Variants in TSPAN18 observed in about 807,000 individuals in gnomAD.
The protein encoded by TSPAN18 is tetraspanin 18.
A neutral mutation model predicts 27.3 loss-of-function variants in TSPAN18; 14 were observed. The observed-to-expected ratio is 0.51, with a 90% CI of 0.34 to 0.80. TSPAN18 has a LOEUF of 0.80. TSPAN18 is among the 30% of genes least tolerant of loss of function. The pLI is 0.01. For synonymous variants in TSPAN18, 143 were observed against 136.5 expected (o/e 1.05, Z -0.33); for missense variants, 268 against 323.9 (o/e 0.83, Z 1.32).
At chr11:44,922,836 C>T (rs955003118) in intron 8 of TSPAN18, among the ~76,000 whole-genome samples, 1 of 152,052 alleles carries the variant, frequency 6.6e-6, no homozygotes, top group African/African-American at 2.4e-5. Context: ...AGGCCAGGCA[C>T]GTTGGCTCAC....
intron 3 of TSPAN18, among the ~76,000 whole-genome samples, chr11:44,876,544 G>T (rs1462944931): frequency 6.6e-6 from 1 of 152,214 alleles, no homozygotes; most frequent in Non-Finnish European, 1.5e-5. Flanking sequence ...GGGCCTTGGA[G>T]TGTGAGAAGG....
intron 2 of TSPAN18, among the ~76,000 whole-genome samples, chr11:44,851,672 T>G (rs1370034085): frequency 6.8e-6 from 1 of 147,412 alleles, no homozygotes; most frequent in African/African-American, 2.5e-5. Flanking sequence ...CTCATACATC[T>G]GCCAAAGCAC....
intron 3 of TSPAN18, among the ~76,000 whole-genome samples, chr11:44,893,770 T>C (rs550215530): frequency 6.6e-6 from 1 of 152,334 alleles, no homozygotes; most frequent in East Asian, 1.9e-4. Context: ...AGTGAGATCA[T>C]TTTAAGTGAA....
At chr11:44,783,843 A>T (rs931596249) in intron 2 of TSPAN18, among the ~76,000 whole-genome samples, 2 of 151,606 alleles carry the variant, frequency 1.3e-5, no homozygotes, top group East Asian at 1.9e-4. Flanking sequence ...AAACTCTTTC[A>T]CCCTGGCAGC....
chr11:44,790,593 C>CGT (rs1232922624), intron 2 of TSPAN18, among the ~76,000 whole-genome samples: 8 of 132,692 alleles, frequency 6.0e-5, no homozygotes, highest in Non-Finnish European at 1.2e-4. Context: ...TGCATGTGTT[C>CGT]GTGTGTGTGC....
intron 5 of TSPAN18, chr11:44,917,715 C>A (rs1859964386): frequency 1.9e-6 from 1 of 514,090 alleles, no homozygotes; most frequent in East Asian, 3.3e-5. Context: ...GTACGAGGGG[C>A]CTCTCTAAGG....
intron 2 of TSPAN18, among the ~76,000 whole-genome samples, chr11:44,777,752 C>T (rs932675167): frequency 5.3e-5 from 8 of 152,200 alleles, no homozygotes; most frequent in African/African-American, 4.8e-5. Flanking sequence ...CACCTCCCCC[C>T]CTTTTCTTTC....
chr11:44,908,810 A>AAGGAAGGAAG (rs1564993103), intron 4 of TSPAN18, among the ~76,000 whole-genome samples: 7 of 116,476 alleles, frequency 6.0e-5, no homozygotes, highest in Admixed American at 4.4e-4. Context: ...AAAGAAAGAA[A>AAGGAAGGAAG]GAAAGAAAGA....
At chr11:44,757,948 A>G (rs1455573261) in intron 1 of TSPAN18, among the ~76,000 whole-genome samples, 19 of 152,054 alleles carry the variant, frequency 1.2e-4, no homozygotes, top group Admixed American at 1.2e-3. Flanking sequence ...TTGTCTTTTG[A>G]TGCACAAATT....
intron 3 of TSPAN18, among the ~76,000 whole-genome samples, chr11:44,861,081 T>G (rs1333005633): frequency 6.6e-6 from 1 of 152,168 alleles, no homozygotes; most frequent in Non-Finnish European, 1.5e-5. Flanking sequence ...GCTCAAATGA[T>G]GCTGTTAGGA....
intron 3 of TSPAN18, among the ~76,000 whole-genome samples, chr11:44,860,995 T>C (rs1857864036): frequency 6.6e-6 from 1 of 152,132 alleles, no homozygotes; most frequent in African/African-American, 2.4e-5. Context: ...ATAATATATA[T>C]TCCAAATATA....
Position 44,919,630 on chromosome 11 carries a change from A to G in TSPAN18, c.433-187A>G. On this transcript the variant is annotated intron_variant, in intron 7 of 9. Coordinates refer to ENST00000520358, the MANE Select transcript of TSPAN18 (RefSeq NM_130783.5). ...ATTGTTACTGCCACCTCTGTTATAG[A>G]GATGAGGACACTGAAGGCCCAGAGA... is the stretch of plus-strand genomic sequence containing the variant. 3 of 656,236 alleles carry G rather than the reference A, an allele frequency of 4.6e-6. No individual in the cohort carries two copies. In the East Asian group the frequency reaches 7.8e-5, roughly 17 times the overall value. 40.7% of individuals were successfully genotyped at this position (656,236 alleles called of 1,614,324 possible).
intron 1 of TSPAN18, among the ~76,000 whole-genome samples, chr11:44,759,587 G>A (rs1433627354): frequency 6.6e-6 from 1 of 151,992 alleles, no homozygotes; most frequent in African/African-American, 2.4e-5. Flanking sequence ...TCATCCCTGT[G>A]TTCATCCATC....
At chr11:44,877,369 G>A (rs1473365928) in intron 3 of TSPAN18, among the ~76,000 whole-genome samples, 1 of 152,200 alleles carries the variant, frequency 6.6e-6, no homozygotes, top group African/African-American at 2.4e-5. Flanking sequence ...AGAGTGACCT[G>A]GAGTGGTCTG....
At chr11:44,914,777 A>G (rs1319828061) in intron 5 of TSPAN18, among the ~76,000 whole-genome samples, 5 of 152,170 alleles carry the variant, frequency 3.3e-5, no homozygotes, top group African/African-American at 1.2e-4. Flanking sequence ...ACTAGATGAG[A>G]GGGCTTGATG....
At chr11:44,896,714 G>A (rs1859067073) in intron 3 of TSPAN18, among the ~76,000 whole-genome samples, 3 of 152,078 alleles carry the variant, frequency 2.0e-5, no homozygotes, top group South Asian at 2.1e-4. Context: ...TTATGCCGGT[G>A]GAGTTAGTCC....
chr11:44,839,448 T>G (rs550837278), intron 2 of TSPAN18, among the ~76,000 whole-genome samples: 6 of 152,346 alleles, frequency 3.9e-5, no homozygotes, highest in African/African-American at 1.2e-4. Flanking sequence ...CTTGGATCTC[T>G]GCATTCATCA....
In TSPAN18 at chr11:44,773,245, C is replaced by T. The variant is rs532171347; in HGVS notation, c.-153+8733C>T. Among the ~76,000 whole-genome samples the T allele has an allele frequency of 1.7e-4, 26 of 151,902 alleles. No homozygotes were observed. In the South Asian group the frequency reaches 4.8e-3, roughly 28 times the overall value. ...CAGCCTGACCAACATGGAGAAACCC[C>T]GTCTCTACTAAAAATATAAAATTAG... is the stretch of plus-strand genomic sequence containing the variant. On this transcript the variant is annotated intron_variant, in intron 2 of 9. Transcript: ENST00000520358.
At chr11:44,814,057 G>A (rs1158894148) in intron 2 of TSPAN18, among the ~76,000 whole-genome samples, 1 of 152,188 alleles carries the variant, frequency 6.6e-6, no homozygotes, top group Non-Finnish European at 1.5e-5. Flanking sequence ...AGCAAGAAAG[G>A]AGTCCTCAGG....
Sources: gnomAD v4.1 joint callset for allele counts (sites outside exome capture counted in the v4.1 genomes callset) on GRCh38, gnomAD v4.1.1 for gene constraint, MANE v1.5 for transcripts, NCBI Gene and HGNC (gene_info 2026-07-23, HGNC 2026-07-21) for gene names.